PLCG2: variants seen among roughly 807,000 people sequenced by gnomAD.
PLCG2 encodes 1-phosphatidylinositol 4,5-bisphosphate phosphodiesterase gamma-2.
Under a neutral mutation model 175.6 loss-of-function variants are expected in PLCG2, and 69 were observed. That is an observed-to-expected ratio of 0.39 (90% CI 0.32 to 0.48). PLCG2 has a LOEUF of 0.48. Among genes scored for constraint, PLCG2 ranks in the 20% least tolerant of loss-of-function variants. The pLI is 0.91. For synonymous variants in PLCG2, 827 were observed against 624.0 expected (o/e 1.33, Z -4.85); for missense variants, 1,798 against 1,650.9 (o/e 1.09, Z -1.54).
intron 10 of PLCG2, 78 bp from the exon 11 acceptor site, chr16:81,891,394 T>C: frequency 1.2e-6 from 1 of 841,628 alleles, no homozygotes; most frequent in Non-Finnish European, 2.1e-6. Flanking sequence ...TCCCCCCTGG[T>C]GGGCGCAGAC....
At chr16:81,821,247 A>G (rs76003323) in intron 2 of PLCG2, among the ~76,000 whole-genome samples, 8 of 152,342 alleles carry the variant, frequency 5.3e-5, no homozygotes, top group Non-Finnish European at 1.0e-4. Context: ...TTAACATGTG[A>G]GTGATTAGAA....
chr16:81,889,106 C>A, intron 9 of PLCG2, 66 bp from the exon 10 acceptor site: 1 of 968,730 alleles, frequency 1.0e-6, no homozygotes, highest in East Asian at 2.6e-5. Flanking sequence ...CTGGATGGAC[C>A]CTGGGAAATG....
At position 81,854,469 on chromosome 16, in the gene PLCG2, C is replaced by T. The variant is rs1906581090; in HGVS notation, c.219C>T (p.Ile73=). The T allele has an allele frequency of 3.1e-6, 5 of 1,614,008 alleles. No individual in the cohort carries two copies. Among genetic ancestry groups the T allele is most frequent in the Non-Finnish European group, 4.2e-6 (5 of 1,179,904 alleles). ...TGGATATCATGGAAATAAAAGAAAT[C>T]CGCCCAGGGAAGAACTCCAAAGATT... The part of the protein sequence containing the change: ...GFLDIMEIKE[I]RPGKNSKDFE... Residue 73 remains isoleucine (I), a synonymous_variant, in exon 3 of 33, where the codon ATC becomes ATT. Transcript: ENST00000564138.
At chr16:81,827,806 C>T (rs999467693) in intron 2 of PLCG2, among the ~76,000 whole-genome samples, 12 of 152,118 alleles carry the variant, frequency 7.9e-5, no homozygotes, top group African/African-American at 2.4e-4. Flanking sequence ...AAAGCGTTGA[C>T]GCCGCCAGGC....
intron 2 of PLCG2, chr16:81,798,342 C>T (rs908641767): frequency 6.6e-6 from 1 of 152,214 alleles, no homozygotes. Flanking sequence ...AGACATAGCT[C>T]GCATGTGTAG....
At chr16:81,785,405 C>T (rs4511523) in intron 1 of PLCG2, among the ~76,000 whole-genome samples, 30,424 of 152,146 alleles carry the variant, frequency 0.2, 3,285 homozygotes, top group Non-Finnish European at 0.24. Flanking sequence ...CTGACATTTC[C>T]TGCCTTTCAT....
At chr16:81,830,864 A>T (rs949928234) in intron 2 of PLCG2, among the ~76,000 whole-genome samples, 2 of 151,942 alleles carry the variant, frequency 1.3e-5, no homozygotes, top group Non-Finnish European at 2.9e-5. Context: ...GCAAGTGCAG[A>T]GACAGCGTGA....
chr16:81,826,204 CT>C (rs1465244954), intron 2 of PLCG2, among the ~76,000 whole-genome samples: 2 of 152,208 alleles, frequency 1.3e-5, no homozygotes, highest in Non-Finnish European at 2.9e-5. Flanking sequence ...CCTTTGCCAC[CT>C]TCATTTCTGG....
In PLCG2 at chr16:81,896,042, G is replaced by A. The variant is rs1299983314; in HGVS notation, c.1193+115G>A. 3.9e-5 allele frequency: 52 copies of A among 1,326,196 alleles called. No individual in the cohort carries two copies. The East Asian group carries it at 8.2e-4, about 21-fold the overall frequency. The allele number at this position is 1,326,196 out of a possible 1,614,324, so 82.2% of individuals were successfully genotyped here. A position where few individuals can be genotyped will look rare whatever the true frequency, so the allele number is the denominator to read the frequency against. On this transcript the variant is annotated intron_variant, in intron 13 of 32. Transcript: ENST00000564138. ...GACACCTCCCTCCAAATGCGGGAAG[G>A]CCTGGGCCCCATCTTGGCCAAAGCC...
At chr16:81,833,263 G>C (rs1384938996) in intron 2 of PLCG2, among the ~76,000 whole-genome samples, 1 of 152,224 alleles carries the variant, frequency 6.6e-6, no homozygotes, top group African/African-American at 2.4e-5. Context: ...GCCACAGCCT[G>C]GTTGTGTGTT....
intron 2 of PLCG2, among the ~76,000 whole-genome samples, chr16:81,827,958 C>T (rs1009080910): frequency 2.6e-5 from 4 of 151,578 alleles, no homozygotes; most frequent in African/African-American, 4.8e-5. Flanking sequence ...GGCATGGTGG[C>T]GGATGCCTGT....
intron 2 of PLCG2, among the ~76,000 whole-genome samples, chr16:81,804,151 C>T (rs747419153): frequency 6.6e-6 from 1 of 152,204 alleles, no homozygotes; most frequent in Non-Finnish European, 1.5e-5. Context: ...GCAGTTGCAC[C>T]ATTTACTTTC....
chr16:81,811,115 G>T (rs1373397223), intron 2 of PLCG2, among the ~76,000 whole-genome samples: 1 of 152,180 alleles, frequency 6.6e-6, no homozygotes, highest in Admixed American at 6.5e-5. Flanking sequence ...TGCTGGGGAA[G>T]GTCATATGGC....
chr16:81,956,890 C>T lies in PLCG2; in HGVS notation c.3755+11C>T, dbSNP rs200832210. ...GAAATGCAACAAGAGGTAGGTCAGC[C>T]CCTCCACCTGCAAAAACTTTTGGGG... On this transcript the variant is annotated intron_variant, in intron 32 of 32. Coordinates refer to ENST00000564138, the MANE Select transcript of PLCG2 (RefSeq NM_002661.5). 1.1e-5 allele frequency: 18 copies of T among 1,608,840 alleles called. No homozygotes were observed. The East Asian group carries it at 3.8e-4, about 34-fold the overall frequency.
In PLCG2 at chr16:81,937,869, C is replaced by A. The variant is rs776275991; in HGVS notation, c.3164C>A (p.Ser1055Tyr). 7 of 1,614,084 alleles carry A rather than the reference C, an allele frequency of 4.3e-6. No individual in the cohort carries two copies. Among genetic ancestry groups the A allele is most frequent in the Non-Finnish European group, 5.9e-6 (7 of 1,179,960 alleles). Residue 1055 changes from serine to tyrosine, a missense_variant, in exon 28 of 33, where the codon TCC becomes TAC. By Grantham distance (144) the Ser-to-Tyr change is moderately radical. Transcript: ENST00000564138. ...TEKYDPMPPESQRKILMTLTV... is the reference protein window; with the variant it reads ...TEKYDPMPPEYQRKILMTLTV... ...AAATATGACCCGATGCCACCCGAGT[C>A]CCAGAGGAAGATCCTGATGACGCTG...
chr16:81,893,127 G>A (rs1314289348), intron 11 of PLCG2, among the ~76,000 whole-genome samples: 1 of 152,170 alleles, frequency 6.6e-6, no homozygotes, highest in African/African-American at 2.4e-5. Context: ...CCAAAGTGCT[G>A]GGATTACAGG....
chr16:81,753,173 G>A (rs1006192125), intron 1 of PLCG2, among the ~76,000 whole-genome samples: 3 of 152,116 alleles, frequency 2.0e-5, no homozygotes, highest in Admixed American at 1.3e-4. Flanking sequence ...GCCTCTCCCC[G>A]CCACCTCAGC....
intron 24 of PLCG2, chr16:81,931,257 C>T (rs1020994248): frequency 2.6e-6 from 1 of 378,016 alleles, no homozygotes; most frequent in Non-Finnish European, 4.8e-6. Context: ...AGGTCCCATT[C>T]ACAGGTACTG....
upstream of PLCG2, chr16:81,779,184 G>A (rs1472527250): frequency 6.6e-6 from 1 of 152,176 alleles, no homozygotes; most frequent in Non-Finnish European, 1.5e-5. Flanking sequence ...TGCGCTCCGA[G>A]AGGCGGACCC....
Sources: gnomAD v4.1 joint callset for allele counts (sites outside exome capture counted in the v4.1 genomes callset) on GRCh38, gnomAD v4.1.1 for gene constraint, MANE v1.5 for transcripts, NCBI Gene and HGNC (gene_info 2026-07-23, HGNC 2026-07-21) for gene names.